Variants in CHN1 observed in about 807,000 individuals in gnomAD.
CHN1 encodes N-chimaerin.
CHN1 carries 37 observed loss-of-function variants against 59.5 expected under a neutral mutation model. That is an observed-to-expected ratio of 0.62 (90% CI 0.48 to 0.82). The LOEUF is 0.82. Among genes scored for constraint, CHN1 ranks in the 40% least tolerant of loss-of-function variants. CHN1 has a pLI of 0.00. For synonymous variants in CHN1, 206 were observed against 200.4 expected, an observed-to-expected ratio of 1.03 and a Z score of -0.24; for missense variants, 469 against 571.0, an observed-to-expected ratio of 0.82 and a Z score of 1.82.
chr2:174,897,645 C>T (rs1477378093), intron 5 of CHN1, among the ~76,000 whole-genome samples: 1 of 151,898 alleles, frequency 6.6e-6, no homozygotes, highest in Non-Finnish European at 1.5e-5. Flanking sequence ...TTAAGCTACC[C>T]ATATATGTAT....
intron 2 of CHN1, among the ~76,000 whole-genome samples, chr2:174,946,147 C>T (rs1004787540): frequency 6.6e-6 from 1 of 151,984 alleles, no homozygotes; most frequent in Non-Finnish European, 1.5e-5. Context: ...TCCTTATTTG[C>T]AAAATGGGAT....
intron 6 of CHN1, among the ~76,000 whole-genome samples, chr2:174,852,186 G>C (rs976131275): frequency 2.0e-5 from 3 of 152,090 alleles, no homozygotes; most frequent in Non-Finnish European, 4.4e-5. Flanking sequence ...CTACTTAGGA[G>C]GCTGAGGCAG....
chr2:174,978,438 A>G (rs1334319253), intron 1 of CHN1, among the ~76,000 whole-genome samples: 1 of 152,242 alleles, frequency 6.6e-6, no homozygotes, highest in Non-Finnish European at 1.5e-5. Flanking sequence ...AGCACAGGGC[A>G]TTAAACAAAG....
intron 2 of CHN1, among the ~76,000 whole-genome samples, chr2:174,951,022 G>A (rs924376783): frequency 2.0e-5 from 3 of 152,048 alleles, no homozygotes; most frequent in East Asian, 1.9e-4. Flanking sequence ...CAGGCAATCC[G>A]CCTGCCTCTG....
At chr2:174,847,028 C>T in intron 6 of CHN1, 71 bp from the exon 7 acceptor site, 5 of 1,551,568 alleles carry the variant, frequency 3.2e-6, no homozygotes, top group Non-Finnish European at 4.4e-6. Flanking sequence ...CAGTTTCATT[C>T]CCAAGGCTGC....
intron 7 of CHN1, among the ~76,000 whole-genome samples, chr2:174,845,823 T>C (rs1686492380): frequency 6.7e-6 from 1 of 149,682 alleles, no homozygotes; most frequent in Non-Finnish European, 1.5e-5. Flanking sequence ...GTAAAATAAA[T>C]ACTGGTGTTA....
chr2:174,925,183 C>A (rs909964936), intron 3 of CHN1, among the ~76,000 whole-genome samples: 1 of 152,198 alleles, frequency 6.6e-6, no homozygotes, highest in Non-Finnish European at 1.5e-5. Context: ...GAATTCCTAG[C>A]CATGATGGGA....
intron 3 of CHN1, among the ~76,000 whole-genome samples, chr2:174,924,827 C>T (rs1320901296): frequency 6.6e-6 from 1 of 152,122 alleles, no homozygotes; most frequent in African/African-American, 2.4e-5. Context: ...CATTTATATG[C>T]TTCTTTCTAA....
chr2:174,870,421 A>G (rs892909699), intron 6 of CHN1, among the ~76,000 whole-genome samples: 13 of 152,352 alleles, frequency 8.5e-5, no homozygotes, highest in African/African-American at 3.1e-4. Flanking sequence ...AAAGGCTCAG[A>G]GGCATGGCTA....
chr2:174,867,326 G>C (rs996852572), intron 6 of CHN1, among the ~76,000 whole-genome samples: 1 of 151,102 alleles, frequency 6.6e-6, no homozygotes. Context: ...GCAGTGAGCC[G>C]AGATTGTGTC....
chr2:174,811,455 C>A, intron 10 of CHN1, 56 bp downstream of exon 10: 2 of 1,181,610 alleles, frequency 1.7e-6, no homozygotes, highest in South Asian at 1.5e-5. Flanking sequence ...AGAAATTGTG[C>A]CTTTTTAGAA....
intron 11 of CHN1, chr2:174,802,094 G>GTA (rs1399472104): frequency 3.1e-5 from 10 of 321,730 alleles, no homozygotes; most frequent in Non-Finnish European, 4.8e-5. Flanking sequence ...TTTCGAAATT[G>GTA]GACATGGAAT....
intron 6 of CHN1, among the ~76,000 whole-genome samples, chr2:174,861,806 G>A (rs1245288999): frequency 6.6e-6 from 1 of 152,156 alleles, no homozygotes. Flanking sequence ...AGGATGTTTA[G>A]GATTCATGAA....
chr2:174,906,298 T>C lies in CHN1; in HGVS notation c.260+8760A>G, dbSNP rs13430307. Among the ~76,000 whole-genome samples the C allele has an allele frequency of 2.3e-3, 347 of 152,300 alleles. 4 individuals carry two copies. Among genetic ancestry groups the C allele is most frequent in the African/African-American group, 7.4e-3 (306 of 41,554 alleles). ...TTAGTAAAAAGGAACAAAGTACTTA[T>C]ACATGCCACAACATGGATAAACCTT... On this transcript the variant is annotated intron_variant, in intron 5 of 12. Transcript: ENST00000409900.
intron 5 of CHN1, among the ~76,000 whole-genome samples, chr2:174,909,735 G>C (rs1045332268): frequency 6.6e-6 from 1 of 152,182 alleles, no homozygotes; most frequent in Admixed American, 6.5e-5. Context: ...TAGTATGTGA[G>C]ATATTACCTT....
intron 7 of CHN1, among the ~76,000 whole-genome samples, chr2:174,843,633 C>T (rs1317770382): frequency 1.3e-5 from 2 of 150,844 alleles, no homozygotes; most frequent in Non-Finnish European, 2.9e-5. Flanking sequence ...ATAATCTCTG[C>T]AACTGGACAG....
At chr2:174,847,333 C>CT (rs1029418847) in intron 6 of CHN1, 769 of 1,284,396 alleles carry the variant, frequency 6.0e-4, no homozygotes, top group South Asian at 1.5e-3. Context: ...TTCTTTCTTC[C>CT]TTTTTTTTTC....
intron 7 of CHN1, 39 bp from the exon 8 acceptor site, chr2:174,824,557 A>G: frequency 7.4e-7 from 1 of 1,357,798 alleles, no homozygotes; most frequent in Non-Finnish European, 1.0e-6. Flanking sequence ...GGAAAGGGGA[A>G]ACACACGGAT....
intron 3 of CHN1, among the ~76,000 whole-genome samples, chr2:174,941,935 G>C (rs148575103): frequency 0.01 from 1,544 of 152,204 alleles, 30 homozygotes; most frequent in African/African-American, 0.035. Context: ...TATCACTAAA[G>C]ATCAGGGAAA....
Sources: allele counts gnomAD v4.1 joint callset (sites outside exome capture counted in the v4.1 genomes callset), GRCh38; gene constraint gnomAD v4.1.1; transcripts MANE v1.5; gene names NCBI Gene and HGNC (gene_info 2026-07-23, HGNC 2026-07-21).